The following KLHL5 variants were observed in gnomAD, a reference collection of about 807,000 sequenced individuals.
The protein encoded by KLHL5 is kelch like family member 5.
A neutral mutation model predicts 77.7 loss-of-function variants in KLHL5; 48 were observed. The ratio of observed to expected loss-of-function variants is 0.62; its 90% confidence interval spans 0.49 to 0.79. KLHL5 has a LOEUF of 0.79. KLHL5 is among the 30% of genes least tolerant of loss of function. The pLI is 0.00. For synonymous variants in KLHL5, 260 were observed against 297.0 expected, an observed-to-expected ratio of 0.88 and a Z score of 1.28; for missense variants, 723 against 859.7, an observed-to-expected ratio of 0.84 and a Z score of 1.99.
At position 39,081,014 on chromosome 4, in the gene KLHL5, G is replaced by A; in HGVS notation, c.567-89G>A. ...CATTTCCTAGTACCATGCACTGTGAGTAACAAATAAAAAAGAAGCAGCAGC... is the reference window on the plus strand; with the variant it reads ...CATTTCCTAGTACCATGCACTGTGAATAACAAATAAAAAAGAAGCAGCAGC... On this transcript the variant is annotated intron_variant, in intron 2 of 10. Coordinates refer to ENST00000504108, the MANE Select transcript of KLHL5 (RefSeq NM_015990.5). This position sits in a 1 kb window ranked among gnomAD's most constrained non-coding sequence, Gnocchi z 4.3. The A allele has an allele frequency of 1.5e-6, 2 of 1,336,188 alleles. No individual in the cohort carries two copies. The highest frequency in any genetic ancestry group is 1.0e-6 in the Non-Finnish European group (1 of 967,510). The allele number at this position is 1,336,188 out of a possible 1,614,324, so 82.8% of individuals were successfully genotyped here.
At chr4:39,130,751 C>A (rs1723767634), downstream of KLHL5, among the ~76,000 whole-genome samples, 1 of 152,134 alleles carries the variant, frequency 6.6e-6, no homozygotes, top group African/African-American at 2.4e-5. Context: ...AAATCCGGGC[C>A]CTTTGTGTTA....
chr4:39,062,551 G>T lies in KLHL5; in HGVS notation c.-102G>T. ...TTATTTTCCTTTACATATTTTTGTTGTGTACAGCAGGGCATATACTTCTCT... is the reference window on the plus strand; with the variant it reads ...TTATTTTCCTTTACATATTTTTGTTTTGTACAGCAGGGCATATACTTCTCT... On this transcript the variant is annotated 5_prime_UTR_variant, in exon 1 of 11. Transcript: ENST00000504108. The T allele has an allele frequency of 6.2e-7, 1 of 1,612,416 alleles. No homozygotes were observed. The highest frequency in any genetic ancestry group is 1.1e-5 in the South Asian group (1 of 90,974).
chr4:39,090,364 C>T (rs1720415360), intron 5 of KLHL5, among the ~76,000 whole-genome samples: 1 of 151,870 alleles, frequency 6.6e-6, no homozygotes, highest in African/African-American at 2.4e-5. Flanking sequence ...ATTTTATCAT[C>T]GTGTCTCCAA....
intron 6 of KLHL5, among the ~76,000 whole-genome samples, chr4:39,097,590 T>C (rs1223581388): frequency 6.6e-6 from 1 of 152,074 alleles, no homozygotes; most frequent in East Asian, 1.9e-4. Flanking sequence ...AATCTAATCA[T>C]GAGGAGGAAA....
chr4:39,142,466 G>T, the KLHL5 span, among the ~76,000 whole-genome samples: 1 of 151,964 alleles, frequency 6.6e-6, no homozygotes, highest in East Asian at 1.9e-4. Flanking sequence ...TTCTGAAAGA[G>T]TATTTTCTCT....
At chr4:39,119,809 G>A (rs749027499) in intron 10 of KLHL5, among the ~76,000 whole-genome samples, 2 of 152,192 alleles carry the variant, frequency 1.3e-5, no homozygotes, top group African/African-American at 4.8e-5. Flanking sequence ...TCACAATGTA[G>A]AGACTAAGTG....
chr4:39,074,191 A>C (rs1342890663), intron 1 of KLHL5, among the ~76,000 whole-genome samples: 1 of 152,196 alleles, frequency 6.6e-6, no homozygotes, highest in African/African-American at 2.4e-5. Flanking sequence ...CTTTCTAGAT[A>C]ATATACATTT....
At chr4:39,084,215 A>G (rs1291940277) in intron 4 of KLHL5, among the ~76,000 whole-genome samples, 1 of 152,184 alleles carries the variant, frequency 6.6e-6, no homozygotes, top group African/African-American at 2.4e-5. Context: ...CAATCAGTGA[A>G]TGGTGCGTGG....
chr4:39,135,303 C>G, the KLHL5 span: 2 of 152,176 alleles, frequency 1.3e-5, no homozygotes, highest in African/African-American at 2.4e-5. Context: ...GACAGAGGAT[C>G]CCAGGTGGAA....
chr4:39,116,320 G>A (rs1722838905), intron 10 of KLHL5: 1 of 152,402 alleles, frequency 6.6e-6, no homozygotes, highest in African/African-American at 2.4e-5. Flanking sequence ...GTGACAGAGT[G>A]AGACTCCATC....
Position 39,086,500 on chromosome 4 carries a change from A to G in KLHL5, c.901-15A>G, listed in dbSNP as rs1254936807. ...GAAGGAACAATATTGTTTATCTGCT[A>G]TTTCTTCCCTCTAGGAGCATTTCAT... On this transcript the variant is annotated splice_polypyrimidine_tract_variant and intron_variant, in intron 4 of 10. Transcript: ENST00000504108. The G allele has an allele frequency of 4.4e-6, 7 of 1,598,356 alleles. No homozygotes were observed. Among genetic ancestry groups the G allele is most frequent in the African/African-American group, 2.7e-5 (2 of 74,556 alleles).
chr4:39,142,291 A>G, the KLHL5 span, among the ~76,000 whole-genome samples: 3 of 151,834 alleles, frequency 2.0e-5, no homozygotes, highest in African/African-American at 4.8e-5. Context: ...GCTACTCCGG[A>G]GGCTGAGGCA....
chr4:39,049,548 G>A (rs1217876528), intron 1 of KLHL5, among the ~76,000 whole-genome samples: 13 of 151,986 alleles, frequency 8.6e-5, no homozygotes, highest in Non-Finnish European at 1.8e-4. Context: ...TTAGCTGGGT[G>A]TAGTGGCATG....
At chr4:39,045,123 G>C (rs1475969987) in intron 1 of KLHL5, 1 of 984,572 alleles carries the variant, frequency 1.0e-6, no homozygotes, top group Non-Finnish European at 1.2e-6. Flanking sequence ...TCTCGGCATC[G>C]GGGAGGGGGC....
intron 6 of KLHL5, among the ~76,000 whole-genome samples, chr4:39,099,377 G>A (rs1407352194): frequency 1.3e-5 from 2 of 152,136 alleles, no homozygotes. Context: ...CTTTCTGTGT[G>A]TTATCCCTCA....
At chr4:39,067,919 G>A (rs796687841) in intron 1 of KLHL5, among the ~76,000 whole-genome samples, 12 of 152,180 alleles carry the variant, frequency 7.9e-5, no homozygotes, top group African/African-American at 2.6e-4. Context: ...CTGAGCTCAA[G>A]TGATCTGTCC....
At chr4:39,113,685 G>A (rs1446429121) in intron 9 of KLHL5, among the ~76,000 whole-genome samples, 1 of 152,220 alleles carries the variant, frequency 6.6e-6, no homozygotes, top group Non-Finnish European at 1.5e-5. Context: ...TTGGATGGTA[G>A]GTCAGGTTCC....
At chr4:39,048,217 T>C (rs1439789651) in intron 1 of KLHL5, among the ~76,000 whole-genome samples, 2 of 152,184 alleles carry the variant, frequency 1.3e-5, no homozygotes, top group Admixed American at 1.3e-4. Context: ...TACAGAGAGT[T>C]GAGAGAATGA....
chr4:39,141,453 C>T, the KLHL5 span, among the ~76,000 whole-genome samples: 6 of 151,910 alleles, frequency 3.9e-5, no homozygotes, highest in South Asian at 8.3e-4. Flanking sequence ...GGACTACAGG[C>T]GCCCGCCACC....
Sources: gnomAD v4.1 joint callset for allele counts (sites outside exome capture counted in the v4.1 genomes callset) on GRCh38, gnomAD v4.1.1 for gene constraint, Gnocchi (gnomAD v3.1) non-coding constraint, MANE v1.5 for transcripts, NCBI Gene and HGNC (gene_info 2026-07-23, HGNC 2026-07-21) for gene names.